Variants in HPGDS observed in about 807,000 individuals in gnomAD.
HPGDS encodes the protein GST class-sigma.
Under a neutral mutation model 23.1 loss-of-function variants are expected in HPGDS, and 26 were observed. The observed-to-expected ratio is 1.13, with a 90% confidence interval of 0.83 to 1.56. The LOEUF (loss-of-function observed/expected upper bound fraction) is 1.56. Among genes scored for constraint, HPGDS ranks in the 40% most tolerant of loss-of-function variants. The pLI, the probability that HPGDS is intolerant of heterozygous loss-of-function variation, is 0.00. For missense variants in HPGDS, 268 were observed against 236.4 expected, an observed-to-expected ratio of 1.13 and a Z score of -0.88; for synonymous variants, 95 against 77.9, an observed-to-expected ratio of 1.22 and a Z score of -1.16.
chr4:94,318,579 G>T (rs1756441739), intron 2 of HPGDS, among the ~76,000 whole-genome samples: 1 of 151,792 alleles, frequency 6.6e-6, no homozygotes, highest in South Asian at 2.1e-4. Flanking sequence ...TTCCACTGTG[G>T]TCTGAGAAAA....
At chr4:94,325,915 G>A (rs574786199) in intron 2 of HPGDS, among the ~76,000 whole-genome samples, 3 of 151,948 alleles carry the variant, frequency 2.0e-5, no homozygotes, top group South Asian at 2.1e-4. Context: ...AGCCATCTTG[G>A]AAAAGATCTC....
At chr4:94,341,969 C>T (rs1472058592) in intron 1 of HPGDS, among the ~76,000 whole-genome samples, 2 of 152,134 alleles carry the variant, frequency 1.3e-5, no homozygotes, top group Non-Finnish European at 1.5e-5. Flanking sequence ...GTTAATTTCC[C>T]TCATTTCACA....
intron 4 of HPGDS, among the ~76,000 whole-genome samples, chr4:94,303,499 C>A (rs930658172): frequency 6.6e-6 from 1 of 152,016 alleles, no homozygotes; most frequent in Non-Finnish European, 1.5e-5. Flanking sequence ...ATTTAAAAAC[C>A]GAAGCTTATA....
At position 94,299,630 on chromosome 4, in the gene HPGDS, G is replaced by T. The variant is rs141429296; in HGVS notation, c.450C>A (p.Asp150Glu). Residue 150 changes from aspartate (D) to glutamate (E), a missense_variant, in exon 6 of 6, where the codon GAC becomes GAA. By Grantham distance (45) the Asp-to-Glu change is conservative. Coordinates refer to ENST00000295256, the MANE Select transcript of HPGDS (RefSeq NM_014485.3). Reference sequence around the variant, plus strand: ...TGGTACTGCAAATCTCCCAGTAGAAGTCTGCCCAAGTTACCTAGTTTAAAG... The same window carrying T: ...TGGTACTGCAAATCTCCCAGTAGAATTCTGCCCAAGTTACCTAGTTTAAAG... ...WLIGNSVTWA[D>E]FYWEICSTTL... 1.9e-6 allele frequency: 3 copies of T among 1,613,866 alleles called. No individual in the cohort carries two copies. Among genetic ancestry groups the T allele is most frequent in the Non-Finnish European group, 2.5e-6 (3 of 1,179,856 alleles).
At chr4:94,317,265 G>C (rs1382948850) in intron 3 of HPGDS, among the ~76,000 whole-genome samples, 1 of 152,108 alleles carries the variant, frequency 6.6e-6, no homozygotes, top group Non-Finnish European at 1.5e-5. Flanking sequence ...TTTGAGGGAA[G>C]AGAGAAGACA....
rs184622957 is a variant in HPGDS at position 94,341,166 on chromosome 4, C to G, written c.-10+1629G>C. 1.8e-3 allele frequency among the ~76,000 whole-genome samples: 267 copies of G among 152,204 alleles called. 2 individuals carry two copies. The highest frequency in any genetic ancestry group is 5.9e-3 in the African/African-American group (245 of 41,532). On this transcript the variant is annotated intron_variant, in intron 1 of 5. Coordinates refer to ENST00000295256, the MANE Select transcript of HPGDS (RefSeq NM_014485.3). ...TTTTTTTCTTTATAAATTACCCAGTCTCAGGTATGTCTTAATCAGCAGCGT... is the reference window on the plus strand; with the variant it reads ...TTTTTTTCTTTATAAATTACCCAGTGTCAGGTATGTCTTAATCAGCAGCGT...
chr4:94,303,129 C>T (rs975647257), intron 4 of HPGDS, among the ~76,000 whole-genome samples: 62 of 152,102 alleles, frequency 4.1e-4, no homozygotes, highest in African/African-American at 1.3e-3. Flanking sequence ...GATACTGTAC[C>T]AATTTGCTGA....
chr4:94,309,049 G>GA (rs1756200928), intron 3 of HPGDS, among the ~76,000 whole-genome samples: 1 of 31,226 alleles, frequency 3.2e-5, no homozygotes, highest in Non-Finnish European at 6.7e-5. Flanking sequence ...GGGTGTACTT[G>GA]CTTTTTTTTT....
intron 3 of HPGDS, among the ~76,000 whole-genome samples, chr4:94,311,904 A>G (rs1472265890): frequency 6.6e-6 from 1 of 151,554 alleles, no homozygotes; most frequent in Non-Finnish European, 1.5e-5. Flanking sequence ...CATTTCTTCT[A>G]GATTTTCTAG....
chr4:94,307,147 CCAGT>C (rs767387276), intron 4 of HPGDS, among the ~76,000 whole-genome samples: 2 of 121,086 alleles, frequency 1.7e-5, no homozygotes, highest in African/African-American at 2.8e-5. Flanking sequence ...AATTCTACAC[CCAGT>C]CAAACTATAA....
In HPGDS at chr4:94,303,180, T is replaced by C. The variant is rs542654479; in HGVS notation, c.337-936A>G. 4.5e-4 allele frequency among the ~76,000 whole-genome samples: 68 copies of C among 152,282 alleles called. 1 individual carries two copies. In the South Asian group the frequency reaches 9.1e-3, roughly 20 times the overall value. ...GATTATGACTTAGCTAGATGGTATATACTACCACAACATAATGCCTTATAT... is the reference window on the plus strand; with the variant it reads ...GATTATGACTTAGCTAGATGGTATACACTACCACAACATAATGCCTTATAT... On this transcript the variant is annotated intron_variant, in intron 4 of 5. Coordinates refer to ENST00000295256, the MANE Select transcript of HPGDS (RefSeq NM_014485.3).
rs1253516542 is a variant in HPGDS at position 94,324,510 on chromosome 4, A to G, written c.134-6545T>C. 2.0e-5 allele frequency among the ~76,000 whole-genome samples: 3 copies of G among 151,916 alleles called. No individual in the cohort carries two copies. In the East Asian group the frequency reaches 5.8e-4, roughly 29 times the overall value. On this transcript the variant is annotated intron_variant, in intron 2 of 5. Coordinates refer to ENST00000295256, the MANE Select transcript of HPGDS (RefSeq NM_014485.3). The stretch of plus-strand genomic sequence containing the variant: ...CTTCTCACTTCATTTCATTAATTTG[A>G]TCTTCAATCACTGATACCCTTTCTT...
intron 2 of HPGDS, 91 bp downstream of exon 2, chr4:94,334,406 C>A: frequency 8.0e-7 from 1 of 1,252,434 alleles, no homozygotes; most frequent in South Asian, 1.7e-5. Flanking sequence ...ACATGAGCTT[C>A]GAAAACCTTG....
chr4:94,314,889 T>C (rs1189951713), intron 3 of HPGDS, among the ~76,000 whole-genome samples: 15 of 152,224 alleles, frequency 9.9e-5, no homozygotes, highest in Admixed American at 9.8e-4. Context: ...GATCTCAGAC[T>C]GCTGTGCTAG....
intron 3 of HPGDS, among the ~76,000 whole-genome samples, chr4:94,311,688 G>T (rs1288875024): frequency 1.3e-5 from 2 of 151,396 alleles, no homozygotes; most frequent in African/African-American, 4.9e-5. Flanking sequence ...TTTTTCTATT[G>T]ATTGGAATAG....
chr4:94,313,316 C>T (rs966091243), intron 3 of HPGDS, among the ~76,000 whole-genome samples: 2 of 152,134 alleles, frequency 1.3e-5, no homozygotes, highest in South Asian at 2.1e-4. Flanking sequence ...TTCAGGAGCT[C>T]TTGTAGGGCA....
chr4:94,340,298 T>TA (rs1721117678), intron 1 of HPGDS, among the ~76,000 whole-genome samples: 1 of 64,020 alleles, frequency 1.6e-5, no homozygotes, highest in Admixed American at 2.0e-4. Flanking sequence ...TCTTTCTTTC[T>TA]TTCTTTCTTT....
At chr4:94,331,687 A>G (rs1756739520) in intron 2 of HPGDS, among the ~76,000 whole-genome samples, 1 of 152,168 alleles carries the variant, frequency 6.6e-6, no homozygotes, top group African/African-American at 2.4e-5. Flanking sequence ...TTTAGTTTCT[A>G]TACTTCCACT....
chr4:94,331,403 G>T (rs2126044986), intron 2 of HPGDS, among the ~76,000 whole-genome samples: 1 of 151,778 alleles, frequency 6.6e-6, no homozygotes, highest in Non-Finnish European at 1.5e-5. Context: ...CTTTGTTTAG[G>T]TATGTTTTCT....
Sources: allele counts gnomAD v4.1 joint callset (sites outside exome capture counted in the v4.1 genomes callset), GRCh38; gene constraint gnomAD v4.1.1; transcripts MANE v1.5; gene names NCBI Gene and HGNC (gene_info 2026-07-23, HGNC 2026-07-21).